Variants in RSRP1 observed in about 807,000 individuals in gnomAD.
RSRP1 encodes arginine and serine rich protein 1.
A neutral mutation model predicts 33.0 loss-of-function variants in RSRP1; 37 were observed. That is an observed-to-expected ratio of 1.12 (90% CI 0.86 to 1.48). The LOEUF (loss-of-function observed/expected upper bound fraction) is 1.48. Among genes scored for constraint, RSRP1 ranks in the 40% most tolerant of loss-of-function variants. RSRP1 has a pLI of 0.00. For synonymous variants in RSRP1, 167 were observed against 158.7 expected (o/e 1.05, Z -0.40); for missense variants, 402 against 385.3 (o/e 1.04, Z -0.36).
intron 1 of RSRP1, among the ~76,000 whole-genome samples, chr1:25,275,071 C>T (rs552659843): frequency 7.6e-6 from 1 of 132,370 alleles, no homozygotes; most frequent in African/African-American, 2.6e-5. Flanking sequence ...AGGCAGATCA[C>T]CTGAGGTCAG....
rs145967557 is a variant in RSRP1 at position 25,261,620 on chromosome 1, G to A, written c.-66-14591C>T. The stretch of plus-strand genomic sequence containing the variant: ...GGGGTTTCACCATGTTAGCCAGGAT[G>A]GTCTCAATCTCCTGACCTCGTGATC... On this transcript the variant is annotated intron_variant, in intron 1 of 1. Coordinates refer to the RSRP1 transcript ENST00000561867. 8.5e-3 allele frequency among the ~76,000 whole-genome samples: 1,289 copies of A among 151,022 alleles called. 19 individuals carry two copies. The highest frequency in any genetic ancestry group is 0.029 in the African/African-American group (1,186 of 41,126).
chr1:25,248,073 A>G (rs537775958), upstream of RSRP1: 3 of 152,474 alleles, frequency 2.0e-5, no homozygotes, highest in Admixed American at 6.5e-5. Context: ...GAACACCCCA[A>G]GACCCCTGGA....
rs1342550075 is a variant in RSRP1, at chr1:25,282,620, A to C, written c.-66-35591T>G. On this transcript the variant is annotated intron_variant, in intron 1 of 1. Transcript: ENST00000561867. ...ACTCAAAACCTATGCTTCCCCTTCC[A>C]CCTTTTTGAAAAACATTGTCTAGGC... Among the ~76,000 whole-genome samples the C allele has an allele frequency of 3.8e-5, 5 of 131,734 alleles. 2 individuals carry two copies. Among genetic ancestry groups the C allele is most frequent in the African/African-American group, 1.3e-4 (5 of 38,662 alleles). The allele number at this position is 131,734 out of a possible 152,430, so 86.4% of individuals were successfully genotyped here. A position where few individuals can be genotyped will look rare whatever the true frequency, so the allele number is the denominator to read the frequency against.
intron 1 of RSRP1, among the ~76,000 whole-genome samples, chr1:25,320,461 C>A (rs974327748): frequency 7.6e-6 from 1 of 132,008 alleles, no homozygotes; most frequent in African/African-American, 2.6e-5. Flanking sequence ...CGCCAGAGAT[C>A]GTTACTGAGT....
intron 3 of RSRP1, chr1:25,244,762 G>A (rs1323583096): frequency 1.9e-6 from 2 of 1,053,642 alleles, no homozygotes; most frequent in Admixed American, 7.9e-5. Context: ...TTGGCTCACT[G>A]CAACCTTAGC....
At chr1:25,244,737 T>G (rs1639202462) in intron 3 of RSRP1, 2 of 1,141,518 alleles carry the variant, frequency 1.8e-6, no homozygotes, top group African/African-American at 3.3e-5. Flanking sequence ...CAGGCTAGAG[T>G]GCAATGGTGC....
chr1:25,257,597 ATTTT>A (rs71712758), intron 1 of RSRP1, among the ~76,000 whole-genome samples: 4 of 131,224 alleles, frequency 3.0e-5, no homozygotes, highest in African/African-American at 2.9e-5. Context: ...GGAGATGCAG[ATTTT>A]TTTTTTTTTT....
chr1:25,280,821 G>C (rs934974643), intron 1 of RSRP1, among the ~76,000 whole-genome samples: 4 of 130,928 alleles, frequency 3.1e-5, no homozygotes, highest in Non-Finnish European at 7.2e-5. Flanking sequence ...ATGTTGCCTA[G>C]GCTGGTCTTG....
rs1456911138 is a variant in RSRP1, at chr1:25,290,807, G to T, written c.-66-43778C>A. On this transcript the variant is annotated intron_variant, in intron 1 of 1. Transcript: ENST00000561867. ...TATCTTCAACGTGAGTCATGGTGCT[G>T]GGAGGAGGGACCTGGGAGAAAAGGG... 2.2e-6 allele frequency: 3 copies of T among 1,375,840 alleles called. No individual in the cohort carries two copies. In the South Asian group the frequency reaches 3.5e-5, roughly 16 times the overall value. 85.2% of individuals were successfully genotyped at this position (1,375,840 alleles called of 1,614,324 possible).
chr1:25,307,828 T>C (rs760858348), intron 1 of RSRP1: 1 of 1,301,950 alleles, frequency 7.7e-7, no homozygotes, highest in South Asian at 1.3e-5. Flanking sequence ...TGAGACATCC[T>C]TGCTTGGGAT....
chr1:25,245,194 T>C lies in RSRP1; in HGVS notation c.628A>G (p.Thr210Ala), dbSNP rs1639252618. Residue 210 changes from threonine (T) to alanine (A), a missense_variant, in exon 3 of 5, where the codon ACA (threonine) becomes GCA (alanine). Coordinates refer to ENST00000243189, the MANE Select transcript of RSRP1 (RefSeq NM_020317.5). ...CTTGATACACCTATTCCACGGCTTG[T>C]TTCTTTGGCTGAAGGAACAGTTCTG... Reference protein sequence around the residue: ...SLRTVPSAKETSRGIGVSSNG... With the variant: ...SLRTVPSAKEASRGIGVSSNG... 6.2e-7 allele frequency: 1 copy of C among 1,614,064 alleles called. No individual in the cohort carries two copies. Among genetic ancestry groups the C allele is most frequent in the Non-Finnish European group, 8.5e-7 (1 of 1,180,048 alleles).
chr1:25,285,795 C>T (rs1271597545), intron 1 of RSRP1, among the ~76,000 whole-genome samples: 1 of 135,062 alleles, frequency 7.4e-6, no homozygotes, highest in Non-Finnish European at 1.8e-5. Context: ...TTTGTTCAAA[C>T]CTCTGAATCC....
At chr1:25,248,499 G>A (rs1370480545), upstream of RSRP1, among the ~76,000 whole-genome samples, 1 of 152,010 alleles carries the variant, frequency 6.6e-6, no homozygotes, top group Non-Finnish European at 1.5e-5. Flanking sequence ...TTTTACCCAC[G>A]GGATCTAACT....
chr1:25,300,963 C>T (rs1643340031), intron 1 of RSRP1: 2 of 1,378,680 alleles, frequency 1.5e-6, no homozygotes, highest in Admixed American at 1.8e-5. Context: ...ACCACATGAA[C>T]ATGATGCACA....
rs764104126 is a variant in RSRP1, at chr1:25,301,503, C to T, written c.-67+36475G>A. The T allele has an allele frequency of 2.1e-5, 29 of 1,377,330 alleles. 7 individuals are homozygous for T. The South Asian group carries it at 3.3e-4, about 16-fold the overall frequency. The allele number at this position is 1,377,330 out of a possible 1,614,324, so 85.3% of individuals were successfully genotyped here. ...GCAGGAGTGTGATTCTGGCCAACCA[C>T]CCTCTCTGGCCCCCAGGCGCCCTCT... is the stretch of plus-strand genomic sequence containing the variant. On this transcript the variant is annotated intron_variant, in intron 1 of 1. Transcript: ENST00000561867.
rs1460920313 is a variant in RSRP1, at chr1:25,275,732, T to A, written c.-66-28703A>T. Reference sequence around the variant, plus strand: ...TAATGGTGTCAATCTCCAGGCAGGGTCCATTGCTACAGTTGACGATAGTGG... The same window carrying A: ...TAATGGTGTCAATCTCCAGGCAGGGACCATTGCTACAGTTGACGATAGTGG... On this transcript the variant is annotated intron_variant, in intron 1 of 1. Coordinates refer to the RSRP1 transcript ENST00000561867. Among the ~76,000 whole-genome samples the A allele has an allele frequency of 5.9e-4, 78 of 133,028 alleles. 15 individuals carry two copies. The highest frequency in any genetic ancestry group is 1.2e-3 in the Admixed American group (17 of 13,682). 87.3% of individuals were successfully genotyped at this position (133,028 alleles called of 152,430 possible). A position where few individuals can be genotyped will look rare whatever the true frequency, so the allele number is the denominator to read the frequency against.
At chr1:25,244,624 A>G in intron 3 of RSRP1, 2 of 1,252,776 alleles carry the variant, frequency 1.6e-6, no homozygotes, top group Non-Finnish European at 2.1e-6. Flanking sequence ...TAGTAATAGA[A>G]ATCACCAAAG....
In RSRP1 at chr1:25,320,512, C is replaced by G. The variant is rs189371258; in HGVS notation, c.-67+17466G>C. ...CGTCATGCTGGTTGTACCCTGCATG[C>G]CAATATCAGCTAAAAGCAGCACCAC... On this transcript the variant is annotated intron_variant, in intron 1 of 1. Transcript: ENST00000561867. Among the ~76,000 whole-genome samples, 6 of 132,028 alleles carry G rather than the reference C, an allele frequency of 4.5e-5. 3 individuals carry two copies. The highest frequency in any genetic ancestry group is 1.1e-4 in the Non-Finnish European group (6 of 55,712). 86.6% of individuals were successfully genotyped at this position (132,028 alleles called of 152,430 possible). A position where few individuals can be genotyped will look rare whatever the true frequency, so the allele number is the denominator to read the frequency against.
In RSRP1 at chr1:25,300,869, C is replaced by T. The variant is rs1392126736; in HGVS notation, c.-67+37109G>A. ...CACACCTCCTAAGTGAAGCTCTGAA[C>T]TTTCTCCAAGGACTATCAGGGCTTG... On this transcript the variant is annotated intron_variant, in intron 1 of 1. Coordinates refer to the RSRP1 transcript ENST00000561867. 12 of 1,333,614 alleles carry T rather than the reference C, an allele frequency of 9.0e-6. 4 individuals carry two copies. The highest frequency in any genetic ancestry group is 4.4e-5 in the African/African-American group (3 of 68,582). 82.6% of individuals were successfully genotyped at this position (1,333,614 alleles called of 1,614,324 possible).
Sources: gnomAD v4.1 joint callset for allele counts (sites outside exome capture counted in the v4.1 genomes callset) on GRCh38, gnomAD v4.1.1 for gene constraint, MANE v1.5 for transcripts, NCBI Gene and HGNC (gene_info 2026-07-23, HGNC 2026-07-21) for gene names.